Variants in ACVR2A observed in about 807,000 individuals in gnomAD.
ACVR2A encodes the protein activin receptor type-2A.
Under a neutral mutation model 61.4 loss-of-function variants are expected in ACVR2A, and 7 were observed. The ratio of observed to expected loss-of-function variants is 0.11; its 90% CI spans 0.06 to 0.21. The LOEUF is 0.21. Ranked by LOEUF, ACVR2A falls within the 10% of genes least tolerant of loss-of-function variation. The pLI is 1.00. For synonymous variants in ACVR2A, 193 were observed against 208.3 expected (o/e 0.93, Z 0.63); for missense variants, 322 against 621.7 (o/e 0.52, Z 5.13).
intron 1 of ACVR2A, among the ~76,000 whole-genome samples, chr2:147,847,511 TAA>T (rs1294920612): frequency 6.6e-6 from 1 of 152,168 alleles, no homozygotes; most frequent in Non-Finnish European, 1.5e-5. Context: ...TGATTTTTTT[TAA>T]AAATCAAAAT....
intron 4 of ACVR2A, 79 bp from the exon 5 acceptor site, chr2:147,915,112 A>AT (rs1687218839): frequency 2.2e-6 from 3 of 1,370,736 alleles, no homozygotes; most frequent in Non-Finnish European, 3.1e-6. Context: ...TTTTCAGTAT[A>AT]CTCACTTTTT....
chr2:147,866,913 G>A (rs1222487085), intron 1 of ACVR2A, among the ~76,000 whole-genome samples: 1 of 152,174 alleles, frequency 6.6e-6, no homozygotes, highest in African/African-American at 2.4e-5. Flanking sequence ...AATGAGGAAT[G>A]AAAACAGACC....
intron 8 of ACVR2A, among the ~76,000 whole-genome samples, 187 bp from the exon 9 acceptor site, chr2:147,922,786 T>C (rs1352439872): frequency 6.6e-6 from 1 of 152,166 alleles, no homozygotes; most frequent in Non-Finnish European, 1.5e-5. Context: ...TCTAAGTCTG[T>C]ACCAGCATAA....
chr2:147,908,659 A>C (rs186675877), intron 4 of ACVR2A, among the ~76,000 whole-genome samples: 1 of 152,222 alleles, frequency 6.6e-6, no homozygotes, highest in East Asian at 1.9e-4. Flanking sequence ...AGTCTTTTTA[A>C]AATTTAAAAT....
chr2:147,911,175 G>A (rs929489776), intron 4 of ACVR2A, among the ~76,000 whole-genome samples: 1 of 152,030 alleles, frequency 6.6e-6, no homozygotes, highest in African/African-American at 2.4e-5. Context: ...TAAATTCCTT[G>A]TTTTATAATT....
chr2:147,911,106 A>G (rs1687100269), intron 4 of ACVR2A, among the ~76,000 whole-genome samples: 1 of 152,164 alleles, frequency 6.6e-6, no homozygotes, highest in Non-Finnish European at 1.5e-5. Flanking sequence ...TAGGGCTGCT[A>G]GCTCGTTTTT....
upstream of ACVR2A, chr2:147,845,011 T>TG (rs1558955639): frequency 5.3e-6 from 1 of 189,638 alleles, no homozygotes; most frequent in Non-Finnish European, 9.8e-6. Context: ...TTTTTTTTTT[T>TG]TTTTTTTTTT....
chr2:147,884,083 A>AT (rs1558802190), intron 1 of ACVR2A, among the ~76,000 whole-genome samples: 1 of 152,124 alleles, frequency 6.6e-6, no homozygotes, highest in Non-Finnish European at 1.5e-5. Flanking sequence ...TGTTTCCTTA[A>AT]TTTTTTTAGA....
At chr2:147,915,572 C>T (rs1334970791) in intron 5 of ACVR2A, among the ~76,000 whole-genome samples, 2 of 151,716 alleles carry the variant, frequency 1.3e-5, no homozygotes, top group Non-Finnish European at 1.5e-5. Flanking sequence ...GATCTTTTGC[C>T]AGTGAAAATT....
At chr2:147,925,868 A>T in intron 9 of ACVR2A, 163 bp from the exon 10 acceptor site, 1 of 624,318 alleles carries the variant, frequency 1.6e-6, no homozygotes, top group Non-Finnish European at 2.6e-6. Context: ...TAGTTTGGTC[A>T]CACTGTGGTA....
intron 7 of ACVR2A, among the ~76,000 whole-genome samples, chr2:147,919,873 ATTTCTG>A (rs899892169): frequency 9.2e-5 from 14 of 152,148 alleles, no homozygotes; most frequent in Non-Finnish European, 2.1e-4. Context: ...TTGGTTTAAA[ATTTCTG>A]TTTCTATGGG....
chr2:147,899,588 C>T (rs760389339), intron 3 of ACVR2A, 21 bp downstream of exon 3: 6 of 1,602,408 alleles, frequency 3.7e-6, no homozygotes, highest in African/African-American at 1.3e-5. Flanking sequence ...AGGGAAAATA[C>T]GTAGGTTTGC....
chr2:147,907,166 G>C (rs556944308), intron 4 of ACVR2A, among the ~76,000 whole-genome samples: 84 of 152,226 alleles, frequency 5.5e-4, no homozygotes, highest in African/African-American at 1.9e-3. Flanking sequence ...CAAAGGACAT[G>C]ATCTCATTCC....
At chr2:147,916,489 T>C (rs1489724760) in intron 5 of ACVR2A, among the ~76,000 whole-genome samples, 1 of 151,896 alleles carries the variant, frequency 6.6e-6, no homozygotes, top group Non-Finnish European at 1.5e-5. Flanking sequence ...AAATGCAACA[T>C]ATAATACAAC....
chr2:147,855,515 G>C (rs1399149604), intron 1 of ACVR2A, among the ~76,000 whole-genome samples: 1 of 152,154 alleles, frequency 6.6e-6, no homozygotes, highest in Non-Finnish European at 1.5e-5. Context: ...GAGTGTAGGA[G>C]GGAAGAGGTG....
chr2:147,887,466 C>T (rs1686468881), intron 1 of ACVR2A, among the ~76,000 whole-genome samples: 1 of 152,186 alleles, frequency 6.6e-6, no homozygotes. Flanking sequence ...AGCTGACAGT[C>T]TGGTGAAGGA....
chr2:147,887,960 G>A (rs1686483921), intron 1 of ACVR2A, among the ~76,000 whole-genome samples: 1 of 152,148 alleles, frequency 6.6e-6, no homozygotes, highest in Admixed American at 6.5e-5. Context: ...TTTCTGGGAG[G>A]CTTTCTACAA....
At chr2:147,885,789 G>T (rs1329561185) in intron 1 of ACVR2A, among the ~76,000 whole-genome samples, 2 of 152,102 alleles carry the variant, frequency 1.3e-5, no homozygotes, top group Non-Finnish European at 2.9e-5. Context: ...TAAAATTTAT[G>T]TGCTTTGTGA....
chr2:147,870,271 G>A (rs1041295219), intron 1 of ACVR2A, among the ~76,000 whole-genome samples: 2 of 151,956 alleles, frequency 1.3e-5, no homozygotes, highest in South Asian at 4.2e-4. Flanking sequence ...GTAAGTATTG[G>A]CCTATTTTTT....
Sources: allele counts gnomAD v4.1 joint callset (sites outside exome capture counted in the v4.1 genomes callset), GRCh38; gene constraint gnomAD v4.1.1; transcripts MANE v1.5; gene names NCBI Gene and HGNC (gene_info 2026-07-23, HGNC 2026-07-21).